The following AARS1 variants were observed in gnomAD, a reference collection of about 807,000 sequenced individuals.
AARS1 encodes alanyl-tRNA synthetase 1.
In AARS1, 72 loss-of-function variants were observed where a neutral mutation model predicts 108.9. The ratio of observed to expected loss-of-function variants is 0.66; its 90% confidence interval spans 0.55 to 0.80. AARS1 has a LOEUF of 0.80. Ranked by LOEUF, AARS1 falls within the 30% of genes least tolerant of loss-of-function variation. The pLI is 0.00. For missense variants in AARS1, 1,193 were observed against 1,233.2 expected (o/e 0.97, Z 0.49); for synonymous variants, 489 against 465.7 (o/e 1.05, Z -0.64).
chr16:70,275,700 T>A (rs535748396), intron 4 of AARS1, among the ~76,000 whole-genome samples: 3 of 151,562 alleles, frequency 2.0e-5, no homozygotes, highest in African/African-American at 7.3e-5. Flanking sequence ...GAGGCGGAGC[T>A]TGCAGTGAGC....
At chr16:70,270,054 A>G in intron 6 of AARS1, 142 bp downstream of exon 6, 1 of 1,092,172 alleles carries the variant, frequency 9.2e-7, no homozygotes, top group Non-Finnish European at 1.4e-6. Context: ...GGAGCCTCAC[A>G]TTATTAACAA....
rs1288200477 is a variant in AARS1, at chr16:70,267,767, T to C, written c.1114A>G (p.Lys372Glu). ...ACCTCTTCTTCATTAATGATGTCCT[T>C]CACCATGTCTGGGTCCTTCTTCAGC... ...PELKKDPDMV[K>E]DIINEEEVQF... Residue 372 changes from lysine (K) to glutamate (E), a missense_variant, in exon 9 of 21, where the codon AAG becomes GAG. Lys to Glu is a moderately conservative substitution (Grantham distance 56). Coordinates refer to ENST00000261772, the MANE Select transcript of AARS1 (RefSeq NM_001605.3). 1 of 1,614,160 alleles carries C rather than the reference T, an allele frequency of 6.2e-7. No homozygotes were observed. The highest frequency in any genetic ancestry group is 1.7e-5 in the Admixed American group (1 of 60,012).
intron 10 of AARS1, 186 bp from the exon 11 acceptor site, chr16:70,265,288 G>C: frequency 1.1e-6 from 1 of 938,786 alleles, no homozygotes. Flanking sequence ...GTGGGATGCT[G>C]AGGGGCACCC....
At chr16:70,260,750 C>G (rs1205012691) in intron 13 of AARS1, among the ~76,000 whole-genome samples, 1 of 152,004 alleles carries the variant, frequency 6.6e-6, no homozygotes, top group Admixed American at 6.6e-5. Flanking sequence ...GCAAGCTCCC[C>G]CTCCCGGGTT....
chr16:70,281,576 G>A (rs978683527), intron 2 of AARS1, among the ~76,000 whole-genome samples: 5 of 152,204 alleles, frequency 3.3e-5, no homozygotes, highest in African/African-American at 1.2e-4. Context: ...CAAGGCAGGA[G>A]AATCGCTTGA....
chr16:70,277,989 G>A (rs940594039), intron 2 of AARS1, among the ~76,000 whole-genome samples: 1 of 151,918 alleles, frequency 6.6e-6, no homozygotes, highest in Non-Finnish European at 1.5e-5. Context: ...CTAACCCCAA[G>A]TGATTTGCCC....
At chr16:70,280,421 C>A (rs992038417) in intron 2 of AARS1, among the ~76,000 whole-genome samples, 1 of 152,176 alleles carries the variant, frequency 6.6e-6, no homozygotes, top group Non-Finnish European at 1.5e-5. Flanking sequence ...AGTGATCCTC[C>A]CGTCTCAGCC....
In AARS1 at chr16:70,259,057, T is replaced by A. The variant is rs1225068897; in HGVS notation, c.1915A>T (p.Thr639Ser). ...TGGGTGGACATGGCTCCCTTGGCAG[T>A]AAAGTCAAATCTGAGGCGGTCAGGA... is the stretch of plus-strand genomic sequence containing the variant. The part of the protein sequence containing the change: ...VAPDRLRFDF[T>S]AKGAMSTQQI... The change falls in exon 14 of 21, where the codon ACT becomes TCT. Residue 639 changes from threonine to serine, a missense_variant. Thr to Ser is a moderately conservative substitution (Grantham distance 58, BLOSUM62 1). Coordinates refer to ENST00000261772, the MANE Select transcript of AARS1 (RefSeq NM_001605.3). The A allele has an allele frequency of 6.2e-7, 1 of 1,614,120 alleles. No homozygotes were observed. The highest frequency in any genetic ancestry group is 8.5e-7 in the Non-Finnish European group (1 of 1,180,026).
chr16:70,275,563 C>A (rs1043430632), intron 4 of AARS1, among the ~76,000 whole-genome samples: 14 of 151,436 alleles, frequency 9.2e-5, no homozygotes, highest in African/African-American at 3.4e-4. Flanking sequence ...GAGATCGAGA[C>A]CACCCTGGCT....
intron 2 of AARS1, among the ~76,000 whole-genome samples, chr16:70,278,965 C>T (rs762465542): frequency 6.6e-6 from 1 of 152,148 alleles, no homozygotes; most frequent in Non-Finnish European, 1.5e-5. Flanking sequence ...CAACAGAGTT[C>T]GGCGTAAATG....
intron 17 of AARS1, chr16:70,254,270 GCTGGGAACA>G: frequency 1.6e-6 from 1 of 621,836 alleles, no homozygotes; most frequent in Non-Finnish European, 2.8e-6. Context: ...TCCTTACCAG[GCTGGGAACA>G]GCCTGTGATA....
chr16:70,270,504 A>G (rs915677798), intron 5 of AARS1, among the ~76,000 whole-genome samples, 164 bp from the exon 6 acceptor site: 5 of 152,044 alleles, frequency 3.3e-5, no homozygotes, highest in Non-Finnish European at 7.4e-5. Flanking sequence ...AGGAAGGAGA[A>G]AGGAAGAGTT....
chr16:70,256,730 G>A (rs908311924), intron 15 of AARS1, among the ~76,000 whole-genome samples: 1 of 152,046 alleles, frequency 6.6e-6, no homozygotes, highest in Non-Finnish European at 1.5e-5. Flanking sequence ...CAATCCCCCA[G>A]GCCCCTATCC....
chr16:70,258,105 G>T lies in AARS1; in HGVS notation c.2105C>A (p.Pro702Gln). ...DPVRVVSIGVPVSELLDDPSG... is the reference protein window; with the variant it reads ...DPVRVVSIGVQVSELLDDPSG... ...GGGGTCATCCAGCAACTCGGACACC[G>T]GGACCCCAATGGAGACGACTCGCAC... Residue 702 changes from proline to glutamine, a missense_variant, in exon 15 of 21, where the codon CCG becomes CAG. Transcript: ENST00000261772. 4 of 1,613,932 alleles carry T rather than the reference G, an allele frequency of 2.5e-6. No individual in the cohort carries two copies. Among genetic ancestry groups the T allele is most frequent in the Non-Finnish European group, 3.4e-6 (4 of 1,179,942 alleles).
Position 70,271,810 on chromosome 16 carries a change from G to T in AARS1, c.642C>A (p.Ile214=), listed in dbSNP as rs758977241. The T allele has an allele frequency of 1.2e-6, 2 of 1,613,878 alleles. No homozygotes were observed. The highest frequency in any genetic ancestry group is 1.3e-5 in the African/African-American group (1 of 75,028). ...VNQDDPNVLE[I]WNLVFIQYNR... is the part of the protein sequence containing the mutation. ...TATACTGGATGAACACAAGGTTCCA[G>T]ATCTCCAGCACATTAGGGTCGTCCT... Residue 214 remains isoleucine, a synonymous_variant, in exon 5 of 21, where the codon ATC becomes ATA. Transcript: ENST00000261772.
intron 9 of AARS1, 73 bp downstream of exon 9, chr16:70,267,586 C>A: frequency 1.3e-6 from 2 of 1,580,332 alleles, no homozygotes; most frequent in Non-Finnish European, 1.7e-6. Flanking sequence ...CACAGTCAGT[C>A]TGTCAGAAAG....
At position 70,254,051 on chromosome 16, in the gene AARS1, G is replaced by A. The variant is rs1959916970; in HGVS notation, c.2401-13C>T. 6.2e-7 allele frequency: 1 copy of A among 1,613,606 alleles called. No homozygotes were observed. The highest frequency in any genetic ancestry group is 1.3e-5 in the African/African-American group (1 of 74,924). The stretch of plus-strand genomic sequence containing the variant: ...CAGTGGCCAGGGCCTGGAACCAATA[G>A]ACGACCATCTCAATCTGGGCCACAA... On this transcript the variant is annotated splice_polypyrimidine_tract_variant and intron_variant, in intron 17 of 20. Coordinates refer to ENST00000261772, the MANE Select transcript of AARS1 (RefSeq NM_001605.3).
intron 1 of AARS1, among the ~76,000 whole-genome samples, 171 bp from the exon 2 acceptor site, chr16:70,282,955 A>G (rs1295803045): frequency 2.0e-5 from 3 of 152,188 alleles, no homozygotes. Flanking sequence ...TCACCAGCAG[A>G]CAGCAGCCCC....
intron 9 of AARS1, among the ~76,000 whole-genome samples, chr16:70,267,237 G>GAAATCCA (rs757532768): frequency 1.3e-5 from 2 of 152,084 alleles, no homozygotes; most frequent in African/African-American, 2.4e-5. Context: ...TGGAAACTGG[G>GAAATCCA]GAGAAAATCT....
Sources: allele counts gnomAD v4.1 joint callset (sites outside exome capture counted in the v4.1 genomes callset), GRCh38; gene constraint gnomAD v4.1.1; transcripts MANE v1.5; gene names NCBI Gene and HGNC (gene_info 2026-07-23, HGNC 2026-07-21).